The following IL3RA variants were observed in gnomAD, a reference collection of about 807,000 sequenced individuals.
IL3RA encodes the protein interleukin 3 receptor subunit alpha.
In IL3RA, 73 loss-of-function variants were observed where a neutral mutation model predicts 52.3. That is an observed-to-expected ratio of 1.40 (90% CI 1.16 to 1.70). IL3RA has a LOEUF of 1.70. IL3RA is among the 40% of genes most tolerant of loss of function. The probability of loss-of-function intolerance (pLI) is 0.00; values close to 1 mark genes in which losing one functional copy is unlikely to be tolerated. For synonymous variants in IL3RA, 260 were observed against 194.0 expected (o/e 1.34, Z -2.83); for missense variants, 664 against 504.4 (o/e 1.32, Z -3.03).
intron 9 of IL3RA, among the ~76,000 whole-genome samples, chrX:1,368,739 G>T (rs1160587105): frequency 2.0e-5 from 3 of 148,348 alleles, no homozygotes; most frequent in Non-Finnish European, 4.5e-5. Flanking sequence ...TCCAAGCCCA[G>T]GAGAGGGGCC....
Position 1,382,447 on chromosome X carries a change from G to A in IL3RA, c.1119G>A (p.Gln373=). The A allele has an allele frequency of 6.2e-7, 1 of 1,613,932 alleles. No homozygotes were observed. Among genetic ancestry groups the A allele is most frequent in the South Asian group, 1.1e-5 (1 of 91,082 alleles). The stretch of plus-strand genomic sequence containing the variant: ...AGGAGTGTCTGGTGACTGAAGTACA[G>A]GTCGTGCAGAAAACTTGAGACTGGG... ...GLEECLVTEV[Q]VVQKT The change falls in exon 12 of 12, where the codon CAG becomes CAA. Residue 373 remains glutamine (Q), a synonymous_variant. Coordinates refer to ENST00000331035, the MANE Select transcript of IL3RA (RefSeq NM_002183.4).
At chrX:1,357,794 GTTTTTTT>G (rs1180616741) in intron 7 of IL3RA, among the ~76,000 whole-genome samples, 2 of 140,064 alleles carry the variant, frequency 1.4e-5, no homozygotes, top group African/African-American at 5.2e-5. Context: ...ATCTGTTTGG[GTTTTTTT>G]TTTTTTTAAG....
chrX:1,358,028 C>A lies in IL3RA; in HGVS notation c.733-833C>A, dbSNP rs1228659658. Reference sequence around the variant, plus strand: ...GCTGAGGCAGGAGAATGGCGTAAACCCAGAAGGCGGAGCTTGCAGCGAGCT... The same window carrying A: ...GCTGAGGCAGGAGAATGGCGTAAACACAGAAGGCGGAGCTTGCAGCGAGCT... On this transcript the variant is annotated intron_variant, in intron 7 of 11. Transcript: ENST00000331035. Among the ~76,000 whole-genome samples the A allele has an allele frequency of 3.3e-5, 5 of 151,462 alleles. No homozygotes were observed. The South Asian group carries it at 1.0e-3, about 32-fold the overall frequency.
chrX:1,344,239 G>C (rs775716892), intron 2 of IL3RA, among the ~76,000 whole-genome samples: 1 of 151,636 alleles, frequency 6.6e-6, no homozygotes, highest in East Asian at 2.0e-4. Flanking sequence ...TTCGAGACCA[G>C]CCTGGCCAAC....
At chrX:1,378,444 G>A (rs192785917) in intron 9 of IL3RA, among the ~76,000 whole-genome samples, 97 of 152,206 alleles carry the variant, frequency 6.4e-4, no homozygotes, top group African/African-American at 2.2e-3. Flanking sequence ...TGGGAGGTCC[G>A]GAAGTCGCTC....
rs185158925 is a variant in IL3RA, at chrX:1,355,178, A to G, written c.617-1043A>G. 1.7e-3 allele frequency among the ~76,000 whole-genome samples: 11 copies of G among 6,664 alleles called. 1 individual carries two copies. The highest frequency in any genetic ancestry group is 4.3e-3 in the African/African-American group (5 of 1,156). 4.4% of individuals were successfully genotyped at this position (6,664 alleles called of 152,430 possible). A position where few individuals can be genotyped will look rare whatever the true frequency, so the allele number is the denominator to read the frequency against. On this transcript the variant is annotated intron_variant, in intron 6 of 11. Transcript: ENST00000331035. The stretch of plus-strand genomic sequence containing the variant: ...AGGGAAGAAAAGGAGGGGGAGGAGG[A>G]AGGAGGGGGAGGAGGGTGGAGGGGG...
At chrX:1,360,171 C>G (rs1197602087) in intron 8 of IL3RA, among the ~76,000 whole-genome samples, 11 of 142,344 alleles carry the variant, frequency 7.7e-5, no homozygotes, top group Non-Finnish European at 1.4e-4. Context: ...CTCCCTCCCT[C>G]CATCTTTCTC....
chrX:1,378,991 C>T (rs1288762628), intron 10 of IL3RA, among the ~76,000 whole-genome samples: 1 of 151,370 alleles, frequency 6.6e-6, no homozygotes, highest in Non-Finnish European at 1.5e-5. Context: ...TACAGGCACC[C>T]AGCAACACAC....
At chrX:1,361,962 C>G (rs1409956634) in intron 8 of IL3RA, among the ~76,000 whole-genome samples, 1 of 151,982 alleles carries the variant, frequency 6.6e-6, no homozygotes, top group Non-Finnish European at 1.5e-5. Flanking sequence ...GGGACACAGC[C>G]AAACTACATC....
intron 11 of IL3RA, among the ~76,000 whole-genome samples, chrX:1,381,500 C>T (rs1162064491): frequency 3.3e-5 from 5 of 151,026 alleles, no homozygotes; most frequent in Admixed American, 6.6e-5. Context: ...ACCGTGATCA[C>T]GGGCCGTCTC....
chrX:1,338,466 G>A (rs1184525563), intron 1 of IL3RA, among the ~76,000 whole-genome samples: 1 of 151,958 alleles, frequency 6.6e-6, no homozygotes, highest in Non-Finnish European at 1.5e-5. Flanking sequence ...GCCAAGAGGT[G>A]GAGAGAGTCC....
chrX:1,341,096 A>G (rs1202803875), intron 1 of IL3RA, among the ~76,000 whole-genome samples: 4 of 151,332 alleles, frequency 2.6e-5, no homozygotes, highest in African/African-American at 9.7e-5. Flanking sequence ...CAGCCTGGGC[A>G]ACAAGAGCAA....
At chrX:1,348,704 C>CTCTTTCTTTCTTTCTCTT (rs1203615275) in intron 4 of IL3RA, among the ~76,000 whole-genome samples, 159 bp downstream of exon 4, 1 of 79,088 alleles carries the variant, frequency 1.3e-5, no homozygotes. Flanking sequence ...TTCTTTCTTT[C>CTCTTTCTTTCTTTCTCTT]TGTTTCTGTT....
chrX:1,345,728 G>A (rs2085713992), intron 3 of IL3RA, among the ~76,000 whole-genome samples: 1 of 151,766 alleles, frequency 6.6e-6, no homozygotes, highest in Non-Finnish European at 1.5e-5. Context: ...CTGACCTCGT[G>A]ATCTGCCCGC....
intron 9 of IL3RA, among the ~76,000 whole-genome samples, chrX:1,376,998 G>A (rs1476025939): frequency 3.5e-5 from 5 of 141,018 alleles, no homozygotes; most frequent in African/African-American, 5.5e-5. Context: ...TTTCTAAGCC[G>A]CCCAGCCTCT....
intron 11 of IL3RA, 76 bp downstream of exon 11, chrX:1,381,180 C>A: frequency 7.6e-7 from 1 of 1,317,386 alleles, no homozygotes; most frequent in Non-Finnish European, 1.1e-6. Flanking sequence ...GGGCGGACCA[C>A]TTGAGGCCAG....
At chrX:1,348,621 T>C in intron 4 of IL3RA, 76 bp downstream of exon 4, 1 of 959,252 alleles carries the variant, frequency 1.0e-6, no homozygotes, top group Non-Finnish European at 1.6e-6. Context: ...TCGCCTTCGC[T>C]GTGTCTTTTT....
At chrX:1,338,409 G>T (rs1407754972) in intron 1 of IL3RA, among the ~76,000 whole-genome samples, 1 of 151,894 alleles carries the variant, frequency 6.6e-6, no homozygotes, top group African/African-American at 2.4e-5. Flanking sequence ...CCACACGGTG[G>T]AATATTACAC....
intron 9 of IL3RA, among the ~76,000 whole-genome samples, chrX:1,368,789 C>G (rs1377838796): frequency 8.0e-6 from 1 of 125,750 alleles, no homozygotes; most frequent in Non-Finnish European, 1.6e-5. Flanking sequence ...GATCTCAGAC[C>G]TCCAGCCTCC....
Sources: gnomAD v4.1 joint callset for allele counts (sites outside exome capture counted in the v4.1 genomes callset) on GRCh38, gnomAD v4.1.1 for gene constraint, MANE v1.5 for transcripts, NCBI Gene and HGNC (gene_info 2026-07-23, HGNC 2026-07-21) for gene names.